GCN1: variants seen among roughly 807,000 people sequenced by gnomAD.
GCN1 encodes GCN1 activator of EIF2AK4.
GCN1 carries 90 observed loss-of-function variants against 288.4 expected under a neutral mutation model. The observed-to-expected ratio is 0.31, with a 90% CI of 0.26 to 0.37. The LOEUF (loss-of-function observed/expected upper bound fraction) is 0.37. Ranked by LOEUF, GCN1 falls within the 10% of genes least tolerant of loss-of-function variation. GCN1 has a pLI of 1.00. For missense variants in GCN1, 2,586 were observed against 3,419.9 expected, an observed-to-expected ratio of 0.76 and a Z score of 6.08; for synonymous variants, 1,386 against 1,420.2, an observed-to-expected ratio of 0.98 and a Z score of 0.54.
chr12:120,160,631 G>A (rs1266668172), intron 22 of GCN1, among the ~76,000 whole-genome samples: 3 of 152,188 alleles, frequency 2.0e-5, no homozygotes, highest in African/African-American at 7.2e-5. Context: ...CTCTCCCACA[G>A]GATAAGCTGA....
chr12:120,190,530 T>C (rs1281463744), intron 1 of GCN1, 130 bp from the exon 2 acceptor site: 1 of 642,758 alleles, frequency 1.6e-6, no homozygotes, highest in Non-Finnish European at 2.8e-6. Flanking sequence ...ACTGGTGACA[T>C]TTTGCACCGG....
Position 120,148,148 on chromosome 12 carries a change from C to T in GCN1, c.4726+19G>A, listed in dbSNP as rs746133135. The T allele has an allele frequency of 3.8e-6, 6 of 1,595,276 alleles. No homozygotes were observed. The African/African-American group carries it at 5.4e-5, about 14-fold the overall frequency. On this transcript the variant is annotated intron_variant, in intron 37 of 57. Transcript: ENST00000300648. ...GTTGGTGGGAGGTCAGGGCAAGCAC[C>T]CTCACGGGAAAGGCCTACCCAGGAT...
intron 34 of GCN1, 68 bp from the exon 35 acceptor site, chr12:120,150,111 G>C: frequency 6.5e-7 from 1 of 1,550,156 alleles, no homozygotes; most frequent in Non-Finnish European, 8.8e-7. Context: ...GAGAACAGAA[G>C]GGACAGCAAC....
Position 120,140,828 on chromosome 12 carries a change from A to G in GCN1, c.5994+31T>C, listed in dbSNP as rs750322508. On this transcript the variant is annotated intron_variant, in intron 45 of 57. Transcript: ENST00000300648. ...CTCTGAGTCAGGTCGTCTGCAGTGC[A>G]CAGCTGGCGGGATCCTTGGAAGATA... The G allele has an allele frequency of 1.9e-6, 3 of 1,604,642 alleles. No homozygotes were observed. In the South Asian group the frequency reaches 3.3e-5, roughly 18 times the overall value.
At chr12:120,131,099 A>C (rs1876802429) in intron 55 of GCN1, 86 bp downstream of exon 55, 2 of 1,225,494 alleles carry the variant, frequency 1.6e-6, no homozygotes, top group Middle Eastern at 1.9e-4. Flanking sequence ...CTTAAGCCCC[A>C]GTCTGGGGTC....
chr12:120,158,037 G>C lies in GCN1; in HGVS notation c.2906-7C>G. 6.2e-7 allele frequency: 1 copy of C among 1,613,326 alleles called. No individual in the cohort carries two copies. Among genetic ancestry groups the C allele is most frequent in the Non-Finnish European group, 8.5e-7 (1 of 1,179,680 alleles). Reference sequence around the variant, plus strand: ...GCGGACAAGGGCGCAGCACCTGTGAGAGCGAGAAGCAGATAAGATTCTGCA... The same window carrying C: ...GCGGACAAGGGCGCAGCACCTGTGACAGCGAGAAGCAGATAAGATTCTGCA... On this transcript the variant is annotated splice_polypyrimidine_tract_variant and splice_region_variant and intron_variant, in intron 25 of 57. Transcript: ENST00000300648. This position sits in a 1 kb window ranked among gnomAD's most constrained non-coding sequence, Gnocchi z 4.3.
At chr12:120,181,713 C>A (rs536722875) in intron 5 of GCN1, among the ~76,000 whole-genome samples, 30 of 151,708 alleles carry the variant, frequency 2.0e-4, no homozygotes, top group African/African-American at 6.3e-4. Flanking sequence ...GTGGCACATG[C>A]CTGTAATCCC....
At chr12:120,175,063 G>A in intron 12 of GCN1, 99 bp downstream of exon 12, 1 of 997,714 alleles carries the variant, frequency 1.0e-6, no homozygotes, top group Non-Finnish European at 1.5e-6. Flanking sequence ...GGAGGCAGAG[G>A]TTGCAGTGAG....
In GCN1 at chr12:120,131,266, A is replaced by T. The variant is rs760391233; in HGVS notation, c.7482T>A (p.Asn2494Lys). Residue 2494 changes from asparagine (N) to lysine (K), a missense_variant, in exon 55 of 58, where the codon AAT (asparagine) becomes AAA (lysine). Asn to Lys is a moderately conservative substitution (Grantham distance 94). Coordinates refer to ENST00000300648, the MANE Select transcript of GCN1 (RefSeq NM_006836.2). ...GRSLALSVAV[N>K]VAPGRLCAGR... ...CGGCACAAAGTCTGCCAGGAGCCACATTCACAGCCACGGAAAGTGCCAGGC... is the reference window on the plus strand; with the variant it reads ...CGGCACAAAGTCTGCCAGGAGCCACTTTCACAGCCACGGAAAGTGCCAGGC... 5 of 1,613,956 alleles carry T rather than the reference A, an allele frequency of 3.1e-6. No individual in the cohort carries two copies. The East Asian group carries it at 8.9e-5, about 29-fold the overall frequency.
chr12:120,187,900 AAC>A (rs1409042874), intron 2 of GCN1, among the ~76,000 whole-genome samples: 17 of 151,994 alleles, frequency 1.1e-4, no homozygotes, highest in African/African-American at 4.1e-4. Flanking sequence ...AAAAAAAAAA[AAC>A]AAAAAACTAG....
At chr12:120,135,835 G>A (rs1177194124) in intron 51 of GCN1, among the ~76,000 whole-genome samples, 3 of 151,988 alleles carry the variant, frequency 2.0e-5, no homozygotes, top group Admixed American at 1.3e-4. Flanking sequence ...CCAGCCTGGT[G>A]AAACCCTGTC....
At chr12:120,152,659 A>AC (rs1877603850) in intron 33 of GCN1, among the ~76,000 whole-genome samples, 5 of 138,644 alleles carry the variant, frequency 3.6e-5, no homozygotes, top group East Asian at 2.1e-4. Flanking sequence ...ACACACACAC[A>AC]AAATATATAT....
At chr12:120,189,353 G>T (rs561320661) in intron 2 of GCN1, among the ~76,000 whole-genome samples, 1 of 150,876 alleles carries the variant, frequency 6.6e-6, no homozygotes, top group Non-Finnish European at 1.5e-5. Context: ...TTACAGGCGT[G>T]AGCCACCACA....
intron 1 of GCN1, 121 bp downstream of exon 1, chr12:120,194,559 T>TACGACCTCCACAGCC: frequency 1.0e-6 from 1 of 963,980 alleles, no homozygotes; most frequent in Non-Finnish European, 1.5e-6. Flanking sequence ...GCCCCGAGAC[T>TACGACCTCCACAGCC]ACGACCTCCA....
intron 16 of GCN1, among the ~76,000 whole-genome samples, chr12:120,164,994 CACATATAT>C (rs1338000099): frequency 9.4e-6 from 1 of 106,430 alleles, no homozygotes; most frequent in East Asian, 2.8e-4. Flanking sequence ...TACATATATA[CACATATAT>C]ACACACACAC....
rs937276332 is a variant in GCN1, at chr12:120,162,778, C to T, written c.2163+69G>A. 30 of 1,546,566 alleles carry T rather than the reference C, an allele frequency of 1.9e-5. No homozygotes were observed. In the African/African-American group the frequency reaches 3.8e-4, roughly 20 times the overall value. ...CTTCACCTGCTTCTTTGAATCCTCTCTTCCTGTACACTGTGATGAGAGGGC... is the reference window on the plus strand; with the variant it reads ...CTTCACCTGCTTCTTTGAATCCTCTTTTCCTGTACACTGTGATGAGAGGGC... On this transcript the variant is annotated intron_variant, in intron 20 of 57. Transcript: ENST00000300648.
chr12:120,178,453 AGTTCAT>A (rs1487071599), intron 7 of GCN1, among the ~76,000 whole-genome samples, 166 bp downstream of exon 7: 1 of 152,240 alleles, frequency 6.6e-6, no homozygotes, highest in East Asian at 1.9e-4. Context: ...AGCTCCTAGA[AGTTCAT>A]GTATCATGGC....
At chr12:120,175,253 A>C (rs1327587419) in intron 11 of GCN1, 41 bp from the exon 12 acceptor site, 2 of 1,554,066 alleles carry the variant, frequency 1.3e-6, no homozygotes, top group Non-Finnish European at 1.8e-6. Context: ...CACATATGCC[A>C]CATTTCCCAA....
chr12:120,133,368 G>A (rs1277327772), intron 53 of GCN1, among the ~76,000 whole-genome samples: 1 of 152,190 alleles, frequency 6.6e-6, no homozygotes, highest in East Asian at 1.9e-4. Flanking sequence ...GCCCCACAGT[G>A]CTCGCAGCCA....
Sources: allele counts gnomAD v4.1 joint callset (sites outside exome capture counted in the v4.1 genomes callset), GRCh38; gene constraint gnomAD v4.1.1; non-coding constraint Gnocchi (gnomAD v3.1); transcripts MANE v1.5; gene names NCBI Gene and HGNC (gene_info 2026-07-23, HGNC 2026-07-21).